Variants in SPTBN1 observed in about 807,000 individuals in gnomAD.
SPTBN1 encodes the protein spectrin beta, non-erythrocytic 1.
SPTBN1 carries 32 observed loss-of-function variants against 266.4 expected under a neutral mutation model. The observed-to-expected ratio is 0.12, with a 90% CI of 0.09 to 0.16. The LOEUF (loss-of-function observed/expected upper bound fraction) is 0.16, where lower values mean the gene tolerates loss of function less well. Among genes scored for constraint, SPTBN1 ranks in the 10% least tolerant of loss-of-function variants. The pLI is 1.00. For synonymous variants in SPTBN1, 1,336 were observed against 1,162.2 expected (o/e 1.15, Z -3.04); for missense variants, 2,296 against 3,067.1 (o/e 0.75, Z 5.94).
intron 3 of SPTBN1, among the ~76,000 whole-genome samples, chr2:54,608,116 C>T (rs771647582): frequency 3.0e-4 from 45 of 152,252 alleles, no homozygotes; most frequent in Non-Finnish European, 5.6e-4. Context: ...GTCCGCTCAG[C>T]ACACACCAAG....
intron 2 of SPTBN1, among the ~76,000 whole-genome samples, chr2:54,569,966 A>G (rs1673940316): frequency 7.1e-6 from 1 of 141,670 alleles, no homozygotes; most frequent in African/African-American, 2.6e-5. Flanking sequence ...CCCAACTGAA[A>G]CCATTCCCCC....
chr2:54,532,239 A>G (rs1671299705), intron 2 of SPTBN1, among the ~76,000 whole-genome samples: 1 of 152,166 alleles, frequency 6.6e-6, no homozygotes, highest in Admixed American at 6.5e-5. Flanking sequence ...CAGTGAGCCG[A>G]GATCACGCCA....
intron 1 of SPTBN1, among the ~76,000 whole-genome samples, chr2:54,461,047 G>A (rs914996502): frequency 2.6e-5 from 4 of 152,064 alleles, no homozygotes; most frequent in Non-Finnish European, 5.9e-5. Context: ...GGCAGCCACC[G>A]GCTAGTTCAG....
rs1420386379 is a variant in SPTBN1, at chr2:54,668,459, C to G, written c.6985C>G (p.Leu2329Val). 2 of 1,614,118 alleles carry G rather than the reference C, an allele frequency of 1.2e-6. No individual in the cohort carries two copies. The highest frequency in any genetic ancestry group is 1.3e-5 in the African/African-American group (1 of 74,934). Residue 2329 changes from leucine (L) to valine (V), a missense_variant, in exon 36 of 36, where the codon CTC (leucine) becomes GTC (valine). By Grantham distance (32) the Leu-to-Val change is conservative. This residue lies in a region of SPTBN1 where 347 missense variants were observed against 368.5 expected (regional missense o/e 0.94). Transcript: ENST00000356805. ...GCCAGCATCCAGCCGCGCGCAGACC[C>G]TCCCCACCAGCGTCGTCACCATCAC... Reference protein sequence around the residue: ...STPASSRAQTLPTSVVTITSE... With the variant: ...STPASSRAQTVPTSVVTITSE...
intron 29 of SPTBN1, 84 bp downstream of exon 29, chr2:54,656,082 T>A (rs1334366334): frequency 8.2e-7 from 1 of 1,212,634 alleles, no homozygotes; most frequent in Non-Finnish European, 1.2e-6. Flanking sequence ...TTCATTAATG[T>A]TATCATTTAA....
In SPTBN1 at chr2:54,628,025, G is replaced by T; in HGVS notation, c.1645-72G>T. 1 of 1,520,662 alleles carries T rather than the reference G, an allele frequency of 6.6e-7. No homozygotes were observed. The highest frequency in any genetic ancestry group is 8.9e-7 in the Non-Finnish European group (1 of 1,128,140). The allele number at this position is 1,520,662 out of a possible 1,614,324, so 94.2% of individuals were successfully genotyped here. On this transcript the variant is annotated intron_variant, in intron 12 of 35. Transcript: ENST00000356805. This position sits in a 1 kb window ranked among gnomAD's most constrained non-coding sequence, Gnocchi z 4.3. ...TAGCTTCATTGCTGGCTCTCTGCTT[G>T]TCGAAAGATGATGTGATGCTGAAGT...
At chr2:54,528,914 AG>A (rs1349033580) in intron 2 of SPTBN1, among the ~76,000 whole-genome samples, 56 of 152,252 alleles carry the variant, frequency 3.7e-4, no homozygotes, top group Admixed American at 3.7e-3. Context: ...ACAAGATACC[AG>A]GAAACCCATC....
At chr2:54,608,120 C>T (rs1676971255) in intron 3 of SPTBN1, among the ~76,000 whole-genome samples, 1 of 152,272 alleles carries the variant, frequency 6.6e-6, no homozygotes, top group Middle Eastern at 3.4e-3. Flanking sequence ...GCTCAGCACA[C>T]ACCAAGCCCA....
chr2:54,499,340 C>G (rs1000020342), intron 1 of SPTBN1, among the ~76,000 whole-genome samples: 1 of 152,066 alleles, frequency 6.6e-6, no homozygotes, highest in Non-Finnish European at 1.5e-5. Flanking sequence ...TGTGCTTAGA[C>G]CATACCACCC....
intron 2 of SPTBN1, among the ~76,000 whole-genome samples, chr2:54,571,923 A>T (rs949700600): frequency 7.2e-5 from 11 of 152,180 alleles, no homozygotes; most frequent in Non-Finnish European, 1.5e-4. Context: ...TTTGTCCATG[A>T]TGTGGCTAAA....
At chr2:54,547,595 A>G (rs1003738978) in intron 2 of SPTBN1, among the ~76,000 whole-genome samples, 14 of 152,340 alleles carry the variant, frequency 9.2e-5, no homozygotes, top group Admixed American at 9.2e-4. Context: ...AAGGGTTCCA[A>G]TTTCTCCATA....
intron 8 of SPTBN1, 32 bp downstream of exon 8, chr2:54,621,544 A>G (rs1261512540): frequency 1.3e-6 from 2 of 1,572,986 alleles, no homozygotes; most frequent in Non-Finnish European, 1.7e-6. Flanking sequence ...GAGTTGTGAG[A>G]CATAATTAAG....
intron 1 of SPTBN1, among the ~76,000 whole-genome samples, chr2:54,503,996 C>G (rs756972710): frequency 6.6e-6 from 1 of 152,220 alleles, no homozygotes; most frequent in South Asian, 2.1e-4. Context: ...AACTACTCTT[C>G]TGAGTATCCC....
chr2:54,474,108 G>A (rs1360686994), intron 1 of SPTBN1, among the ~76,000 whole-genome samples: 3 of 152,232 alleles, frequency 2.0e-5, no homozygotes, highest in Non-Finnish European at 2.9e-5. Flanking sequence ...GGAGTAATGA[G>A]TTGGTGTATG....
At chr2:54,527,395 G>T (rs1180804386) in intron 2 of SPTBN1, 1 of 152,174 alleles carries the variant, frequency 6.6e-6, no homozygotes, top group Non-Finnish European at 1.5e-5. Context: ...TAAGTTTACT[G>T]TTAATTCTAA....
intron 2 of SPTBN1, among the ~76,000 whole-genome samples, chr2:54,547,013 A>G (rs1483751037): frequency 6.6e-6 from 1 of 151,920 alleles, no homozygotes; most frequent in East Asian, 1.9e-4. Context: ...CCATTTTTAA[A>G]TGTAACTTCA....
chr2:54,578,407 T>G (rs1448676184), intron 2 of SPTBN1, among the ~76,000 whole-genome samples: 3 of 152,212 alleles, frequency 2.0e-5, no homozygotes, highest in Non-Finnish European at 4.4e-5. Context: ...AGCCTTTTGT[T>G]CTGTGATGTC....
intron 1 of SPTBN1, among the ~76,000 whole-genome samples, chr2:54,483,288 C>T (rs1034802381): frequency 1.2e-4 from 19 of 152,274 alleles, no homozygotes; most frequent in African/African-American, 4.3e-4. Context: ...GTTCTTGGAG[C>T]ACTGGGCACC....
At chr2:54,596,599 C>G (rs193196076) in intron 2 of SPTBN1, among the ~76,000 whole-genome samples, 7 of 152,284 alleles carry the variant, frequency 4.6e-5, no homozygotes, top group Admixed American at 1.3e-4. Flanking sequence ...TCTTGCACTT[C>G]GTGGGGCCTG....
Sources: gnomAD v4.1 joint callset for allele counts (sites outside exome capture counted in the v4.1 genomes callset) on GRCh38, gnomAD v4.1.1 for gene constraint, gnomAD v4.1.1 regional missense constraint, Gnocchi (gnomAD v3.1) non-coding constraint, MANE v1.5 for transcripts, NCBI Gene and HGNC (gene_info 2026-07-23, HGNC 2026-07-21) for gene names.